Variants in NLGN4X observed in about 807,000 individuals in gnomAD.
NLGN4X encodes neuroligin-4, X-linked.
In NLGN4X, 3 loss-of-function variants were observed where a neutral mutation model predicts 40.3. The ratio of observed to expected loss-of-function variants is 0.07; its 90% CI spans 0.03 to 0.19. The LOEUF (loss-of-function observed/expected upper bound fraction) is 0.19. Ranked by LOEUF, NLGN4X falls within the 10% of genes least tolerant of loss-of-function variation. The probability of loss-of-function intolerance (pLI) is 1.00; values close to 1 mark genes in which losing one functional copy is unlikely to be tolerated. For missense variants in NLGN4X, 382 were observed against 708.3 expected (o/e 0.54, Z 5.23); for synonymous variants, 270 against 306.8 (o/e 0.88, Z 1.25).
chrX:5,893,813 T>A (rs1321096590), intron 5 of NLGN4X, 147 bp from the exon 6 acceptor site: 29 of 686,711 alleles, frequency 4.2e-5, no homozygotes, highest in Non-Finnish European at 5.8e-5. Flanking sequence ...CAAAGGTACA[T>A]TCTGCTTTAA....
intron 1 of NLGN4X, among the ~76,000 whole-genome samples, chrX:6,169,355 G>A (rs1263074971): frequency 5.3e-5 from 6 of 112,890 alleles, no homozygotes; most frequent in Non-Finnish European, 9.4e-5. Context: ...CATTTACCAG[G>A]CAGAAGGTAC....
chrX:6,168,823 G>A (rs1309007549), intron 1 of NLGN4X, among the ~76,000 whole-genome samples: 1 of 111,311 alleles, frequency 9.0e-6, no homozygotes, highest in Non-Finnish European at 1.9e-5. Flanking sequence ...CTGGAATACA[G>A]TGGCAGGATC....
chrX:5,951,607 C>T (rs919554283), intron 3 of NLGN4X, among the ~76,000 whole-genome samples: 5 of 111,138 alleles, frequency 4.5e-5, no homozygotes, highest in South Asian at 7.8e-4. Flanking sequence ...TTCTGGAGAC[C>T]GGAAGTCCAA....
chrX:6,082,195 AT>A (rs1390698166), intron 2 of NLGN4X, among the ~76,000 whole-genome samples: 10 of 112,083 alleles, frequency 8.9e-5, no homozygotes, highest in Non-Finnish European at 1.7e-4. Flanking sequence ...TCCAGAAATC[AT>A]TTGTTGATTA....
chrX:6,145,468 T>C (rs2040026690), intron 2 of NLGN4X, among the ~76,000 whole-genome samples: 1 of 112,065 alleles, frequency 8.9e-6, no homozygotes, highest in Admixed American at 9.5e-5. Flanking sequence ...TACAGTAAGT[T>C]TGGATATCCC....
intron 2 of NLGN4X, among the ~76,000 whole-genome samples, chrX:6,030,946 G>GT (rs767308484): frequency 1.8e-5 from 2 of 111,923 alleles, no homozygotes; most frequent in Non-Finnish European, 3.8e-5. Flanking sequence ...GGAAAAAAGA[G>GT]TAAGTAGAGA....
chrX:6,047,208 G>A (rs2037348258), intron 2 of NLGN4X, among the ~76,000 whole-genome samples: 1 of 111,343 alleles, frequency 9.0e-6, no homozygotes, highest in Non-Finnish European at 1.9e-5. Context: ...GTGTGGGAAA[G>A]AGAGGGAACC....
chrX:6,220,506 G>A (rs950967542), intron 1 of NLGN4X, among the ~76,000 whole-genome samples: 4 of 106,329 alleles, frequency 3.8e-5, no homozygotes, highest in African/African-American at 1.4e-4. Context: ...GACAAGAGAG[G>A]GTAGAATTTT....
chrX:6,204,257 A>C (rs184566467), intron 1 of NLGN4X, among the ~76,000 whole-genome samples: 2 of 112,436 alleles, frequency 1.8e-5, no homozygotes, highest in African/African-American at 6.4e-5. Flanking sequence ...CCCTGAAATG[A>C]GAAACAATCT....
At chrX:6,013,181 TTTCAA>T (rs1295107842) in intron 3 of NLGN4X, among the ~76,000 whole-genome samples, 1 of 111,334 alleles carries the variant, frequency 9.0e-6, no homozygotes, top group African/African-American at 3.3e-5. Context: ...AAACTACAGG[TTTCAA>T]TTCAAGATCA....
intron 2 of NLGN4X, among the ~76,000 whole-genome samples, chrX:6,123,129 C>T (rs2039461321): frequency 9.0e-6 from 1 of 111,348 alleles, no homozygotes; most frequent in African/African-American, 3.3e-5. Context: ...AGTGAAAGTA[C>T]TCACAAAGTA....
At chrX:6,085,059 T>C (rs1276000502) in intron 2 of NLGN4X, among the ~76,000 whole-genome samples, 1 of 108,812 alleles carries the variant, frequency 9.2e-6, no homozygotes, top group Non-Finnish European at 1.9e-5. Context: ...GAAATTGATA[T>C]CTGGATGCAC....
chrX:5,921,472 T>C, intron 3 of NLGN4X, among the ~76,000 whole-genome samples: 1 of 89,156 alleles, frequency 1.1e-5, no homozygotes, highest in East Asian at 3.7e-4. Context: ...GGCAGCCTAA[T>C]ACTTCCAAGC....
intron 2 of NLGN4X, among the ~76,000 whole-genome samples, chrX:6,035,576 T>C (rs756751468): frequency 8.9e-6 from 1 of 112,133 alleles, no homozygotes; most frequent in South Asian, 3.8e-4. Flanking sequence ...CTTGCCTCCT[T>C]TAATTGTTTT....
intron 3 of NLGN4X, among the ~76,000 whole-genome samples, chrX:5,989,017 G>C (rs1460233642): frequency 9.2e-6 from 1 of 109,023 alleles, no homozygotes; most frequent in Non-Finnish European, 1.9e-5. Flanking sequence ...ATAGTGAGCC[G>C]TGATCATGCC....
intron 1 of NLGN4X, among the ~76,000 whole-genome samples, chrX:6,212,033 G>A (rs1347423409): frequency 9.0e-6 from 1 of 110,839 alleles, no homozygotes; most frequent in Non-Finnish European, 1.9e-5. Context: ...CTCATCTGAG[G>A]TCAGGAGTTC....
chrX:5,966,676 T>C (rs1278886015), intron 3 of NLGN4X, among the ~76,000 whole-genome samples: 1 of 112,481 alleles, frequency 8.9e-6, no homozygotes, highest in Admixed American at 9.5e-5. Context: ...GATGCTTTTC[T>C]GTGTTTAATC....
intron 3 of NLGN4X, among the ~76,000 whole-genome samples, chrX:6,028,387 G>A (rs969957874): frequency 9.0e-5 from 10 of 111,153 alleles, no homozygotes; most frequent in South Asian, 3.9e-4. Flanking sequence ...ATGGCCGGGC[G>A]TAGTGGCTCA....
intron 3 of NLGN4X, among the ~76,000 whole-genome samples, chrX:5,963,396 G>C (rs747743462): frequency 8.9e-6 from 1 of 111,904 alleles, no homozygotes; most frequent in Non-Finnish European, 1.9e-5. Context: ...AAGGCAGATC[G>C]TGTGAGTGAT....
Sources: allele counts gnomAD v4.1 joint callset (sites outside exome capture counted in the v4.1 genomes callset), GRCh38; gene constraint gnomAD v4.1.1; transcripts MANE v1.5; gene names NCBI Gene and HGNC (gene_info 2026-07-23, HGNC 2026-07-21).